The following DOCK2 variants were observed in gnomAD, a reference collection of about 807,000 sequenced individuals.
DOCK2 encodes the protein dedicator of cytokinesis protein 2.
Under a neutral mutation model 248.9 loss-of-function variants are expected in DOCK2, and 87 were observed. The ratio of observed to expected loss-of-function variants is 0.35; its 90% CI spans 0.29 to 0.42. The LOEUF (loss-of-function observed/expected upper bound fraction) is 0.42, where lower values mean the gene tolerates loss of function less well. Ranked by LOEUF, DOCK2 falls within the 10% of genes least tolerant of loss-of-function variation. DOCK2 has a pLI of 1.00. For missense variants in DOCK2, 1,747 were observed against 2,300.2 expected, an observed-to-expected ratio of 0.76 and a Z score of 4.92; for synonymous variants, 805 against 821.6, an observed-to-expected ratio of 0.98 and a Z score of 0.35.
At chr5:169,825,049 G>A (rs1227492127) in intron 26 of DOCK2, among the ~76,000 whole-genome samples, 1 of 152,166 alleles carries the variant, frequency 6.6e-6, no homozygotes, top group East Asian at 1.9e-4. Flanking sequence ...TCAGAGAAAT[G>A]CAAATCAAAA....
intron 30 of DOCK2, among the ~76,000 whole-genome samples, chr5:170,002,325 A>C (rs1454983418): frequency 6.6e-6 from 1 of 152,220 alleles, no homozygotes; most frequent in African/African-American, 2.4e-5. Context: ...AATACAATGT[A>C]GCAATAAAAG....
At chr5:169,802,901 T>G (rs1020833333) in intron 25 of DOCK2, among the ~76,000 whole-genome samples, 157 bp from the exon 26 acceptor site, 1 of 152,228 alleles carries the variant, frequency 6.6e-6, no homozygotes, top group Non-Finnish European at 1.5e-5. Flanking sequence ...TGAATGATGT[T>G]CTCAGGAAAT....
chr5:169,925,392 C>T (rs1362520575), intron 27 of DOCK2, among the ~76,000 whole-genome samples: 5 of 151,972 alleles, frequency 3.3e-5, no homozygotes, highest in South Asian at 2.1e-4. Flanking sequence ...CCAGCCTGGC[C>T]AACATGGTGA....
At chr5:170,040,995 C>T in intron 36 of DOCK2, 60 bp from the exon 37 acceptor site, 2 of 1,488,896 alleles carry the variant, frequency 1.3e-6, no homozygotes, top group South Asian at 1.1e-5. Context: ...CTGCTTGTCC[C>T]TGCCAGGTGT....
chr5:169,934,439 T>A (rs921239108), intron 27 of DOCK2, among the ~76,000 whole-genome samples: 1 of 152,274 alleles, frequency 6.6e-6, no homozygotes, highest in Non-Finnish European at 1.5e-5. Context: ...GGGCAGGGTG[T>A]CCCCAGTGCC....
At chr5:169,913,244 G>A (rs550824205) in intron 27 of DOCK2, among the ~76,000 whole-genome samples, 2 of 152,106 alleles carry the variant, frequency 1.3e-5, no homozygotes, top group Non-Finnish European at 1.5e-5. Context: ...GAAACTATTC[G>A]GCTCTACTCA....
chr5:169,803,692 G>GA (rs763279071), intron 26 of DOCK2, among the ~76,000 whole-genome samples: 2 of 152,196 alleles, frequency 1.3e-5, no homozygotes, highest in Non-Finnish European at 2.9e-5. Context: ...TGTGGAGTAG[G>GA]ATGGTGGTAG....
intron 20 of DOCK2, among the ~76,000 whole-genome samples, chr5:169,716,715 C>T (rs1195635124): frequency 6.6e-6 from 1 of 152,188 alleles, no homozygotes; most frequent in African/African-American, 2.4e-5. Flanking sequence ...TACATTTCTC[C>T]TACCCACCCA....
chr5:169,682,928 T>C (rs1167024717), intron 7 of DOCK2, among the ~76,000 whole-genome samples: 1 of 152,212 alleles, frequency 6.6e-6, no homozygotes, highest in Non-Finnish European at 1.5e-5. Context: ...CTCAGCAAGA[T>C]GTTTTTGAGG....
intron 27 of DOCK2, among the ~76,000 whole-genome samples, chr5:169,871,483 C>T (rs960812157): frequency 6.6e-6 from 1 of 152,196 alleles, no homozygotes; most frequent in African/African-American, 2.4e-5. Context: ...TGAATTCTCA[C>T]AATCCCATGG....
intron 37 of DOCK2, among the ~76,000 whole-genome samples, 179 bp from the exon 38 acceptor site, chr5:170,041,834 A>G (rs1756529136): frequency 1.3e-5 from 2 of 152,236 alleles, no homozygotes; most frequent in South Asian, 4.1e-4. Context: ...ATGCCTCAAA[A>G]GGGCAGCCTC....
intron 27 of DOCK2, among the ~76,000 whole-genome samples, chr5:169,899,026 G>T (rs745974271): frequency 6.6e-6 from 1 of 152,180 alleles, no homozygotes; most frequent in Non-Finnish European, 1.5e-5. Flanking sequence ...CTGGTGAATG[G>T]TGTTTGCTCT....
At chr5:169,678,789 C>T (rs1759484107) in intron 6 of DOCK2, among the ~76,000 whole-genome samples, 1 of 149,780 alleles carries the variant, frequency 6.7e-6, no homozygotes, top group African/African-American at 2.5e-5. Flanking sequence ...CAGCCACTTT[C>T]AGTCGGAAGT....
At chr5:170,080,408 G>A (rs1757987431) in intron 50 of DOCK2, 125 bp downstream of exon 50, 7 of 1,454,168 alleles carry the variant, frequency 4.8e-6, no homozygotes, top group Non-Finnish European at 6.5e-6. Flanking sequence ...GGAGTGAGAG[G>A]CTCTGCTCAT....
rs775280042 is a variant in DOCK2, at chr5:169,698,394, A to C, written c.1000A>C (p.Ile334Leu). 4.3e-6 allele frequency: 7 copies of C among 1,613,966 alleles called. No individual in the cohort carries two copies. The African/African-American group carries it at 9.3e-5, about 22-fold the overall frequency. Residue 334 changes from isoleucine to leucine, a missense_variant, in exon 11 of 52, where the codon ATC becomes CTC. Ile to Leu is a conservative substitution (Grantham distance 5). This residue lies in a region of DOCK2 where 375 missense variants were observed against 510.9 expected (regional missense o/e 0.73). Transcript: ENST00000520908. ...GVAVMDITDIIKGKAESDEEK... is the reference protein window; with the variant it reads ...GVAVMDITDILKGKAESDEEK... ...TCTAGTTATGGATATAACAGACATC[A>C]TCAAGGGGAAAGCAGAGAGTGATGA...
rs74429324 is a variant in DOCK2, at chr5:169,739,335, A to G, written c.2268-8061A>G. Among the ~76,000 whole-genome samples the G allele has an allele frequency of 2.5e-4, 38 of 152,326 alleles. No homozygotes were observed. In the East Asian group the frequency reaches 7.1e-3, roughly 29 times the overall value. On this transcript the variant is annotated intron_variant, in intron 22 of 51. Coordinates refer to ENST00000520908, the MANE Select transcript of DOCK2 (RefSeq NM_004946.3). ...TAGAGGGAAAATGGCCTCTAGTTGT[A>G]TGTGACCTTCAGTTAGATTCTCCAG...
chr5:169,967,689 T>G (rs1777353119), intron 27 of DOCK2, among the ~76,000 whole-genome samples: 1 of 152,076 alleles, frequency 6.6e-6, no homozygotes, highest in African/African-American at 2.4e-5. Context: ...GAGAATTGAT[T>G]AGAGGGGCCA....
At chr5:169,864,421 T>C in intron 27 of DOCK2, 1 of 1,549,780 alleles carries the variant, frequency 6.5e-7, no homozygotes, top group Non-Finnish European at 8.7e-7. Flanking sequence ...CAAAACTTCA[T>C]GGAACCTGCC....
At chr5:170,026,767 A>G (rs1383713285) in intron 33 of DOCK2, among the ~76,000 whole-genome samples, 1 of 152,232 alleles carries the variant, frequency 6.6e-6, no homozygotes, top group Non-Finnish European at 1.5e-5. Flanking sequence ...TGTGGCTTCA[A>G]TGCAACAAGA....
Sources: gnomAD v4.1 joint callset for allele counts (sites outside exome capture counted in the v4.1 genomes callset) on GRCh38, gnomAD v4.1.1 for gene constraint, gnomAD v4.1.1 regional missense constraint, MANE v1.5 for transcripts, NCBI Gene and HGNC (gene_info 2026-07-23, HGNC 2026-07-21) for gene names.